The following TBC1D9B variants were observed in gnomAD, a reference collection of about 807,000 sequenced individuals.
The protein encoded by TBC1D9B is TBC1 domain family member 9B.
A neutral mutation model predicts 121.1 loss-of-function variants in TBC1D9B; 87 were observed. The observed-to-expected ratio is 0.72, with a 90% CI of 0.60 to 0.86. The LOEUF is 0.86. Ranked by LOEUF, TBC1D9B falls within the 40% of genes least tolerant of loss-of-function variation. The pLI is 0.00. For missense variants in TBC1D9B, 1,540 were observed against 1,628.6 expected (o/e 0.95, Z 0.94); for synonymous variants, 668 against 670.1 (o/e 1.00, Z 0.05).
intron 17 of TBC1D9B, chr5:179,869,474 C>T (rs985326945): frequency 1.7e-6 from 1 of 597,880 alleles, no homozygotes; most frequent in African/African-American, 1.8e-5. Context: ...AAGCTCCACT[C>T]ATGGCCCTCC....
Position 179,904,317 on chromosome 5 carries a change from C to T in TBC1D9B, c.229+385G>A, listed in dbSNP as rs999784443. 1.3e-4 allele frequency among the ~76,000 whole-genome samples: 20 copies of T among 151,386 alleles called. No individual in the cohort carries two copies. Among genetic ancestry groups the T allele is most frequent in the African/African-American group, 4.1e-4 (17 of 41,140 alleles). ...TCGGCTCACTGCAAGCTCCGCCTCC[C>T]GGGTTCACGCCATTCTCCTGCCTCA... is the stretch of plus-strand genomic sequence containing the variant. On this transcript the variant is annotated intron_variant, in intron 2 of 20. Coordinates refer to ENST00000355235, the MANE Select transcript of TBC1D9B (RefSeq NM_015043.4). This position sits in a 1 kb window ranked among gnomAD's most constrained non-coding sequence, Gnocchi z 4.2.
At position 179,875,365 on chromosome 5, in the gene TBC1D9B, C is replaced by T. The variant is rs969128168; in HGVS notation, c.1901-178G>A. Reference sequence around the variant, plus strand: ...AAAAACCCTTCAAGTCTCTCTACAGCTCCCAAACCACTGGGCGAAATAACT... The same window carrying T: ...AAAAACCCTTCAAGTCTCTCTACAGTTCCCAAACCACTGGGCGAAATAACT... On this transcript the variant is annotated intron_variant, in intron 11 of 20. Coordinates refer to ENST00000355235, the MANE Select transcript of TBC1D9B (RefSeq NM_015043.4). This position sits in a 1 kb window ranked among gnomAD's most constrained non-coding sequence, Gnocchi z 4.5. Among the ~76,000 whole-genome samples the T allele has an allele frequency of 6.6e-6, 1 of 152,234 alleles. No homozygotes were observed. The highest frequency in any genetic ancestry group is 1.9e-4 in the East Asian group (1 of 5,196).
In TBC1D9B at chr5:179,895,431, C is replaced by T. The variant is rs142501694; in HGVS notation, c.349-817G>A. 2.9e-3 allele frequency among the ~76,000 whole-genome samples: 436 copies of T among 152,300 alleles called. 1 individual carries two copies. The highest frequency in any genetic ancestry group is 6.8e-3 in the Middle Eastern group (2 of 294). On this transcript the variant is annotated intron_variant, in intron 3 of 20. Coordinates refer to ENST00000355235, the MANE Select transcript of TBC1D9B (RefSeq NM_015043.4). ...CTGTAAAGCGCTTCTCTTATCACAT[C>T]CTGGAGGACGTCCTGCACTTGGCCC... is the stretch of plus-strand genomic sequence containing the variant.
At chr5:179,873,399 G>A in intron 12 of TBC1D9B, 151 bp from the exon 13 acceptor site, 10 of 1,254,036 alleles carry the variant, frequency 8.0e-6, no homozygotes, top group Non-Finnish European at 9.5e-6. Context: ...GGGCAGAGGT[G>A]TGCCCTGGCA....
At chr5:179,873,869 T>C (rs531950271) in intron 12 of TBC1D9B, among the ~76,000 whole-genome samples, 1 of 152,214 alleles carries the variant, frequency 6.6e-6, no homozygotes, top group East Asian at 1.9e-4. Context: ...GTCAGACCCC[T>C]GCTCTGGAGG....
intron 2 of TBC1D9B, 59 bp from the exon 3 acceptor site, chr5:179,899,366 C>T (rs1032911934): frequency 4.8e-6 from 7 of 1,444,934 alleles, no homozygotes; most frequent in Admixed American, 1.8e-5. Flanking sequence ...CTTAAACGCA[C>T]ATTCAAAGAA....
At chr5:179,871,683 A>G in intron 14 of TBC1D9B, 153 bp from the exon 15 acceptor site, 1 of 709,972 alleles carries the variant, frequency 1.4e-6, no homozygotes, top group Non-Finnish European at 2.4e-6. Flanking sequence ...TTCGGGAGAG[A>G]GCGAGGCCCA....
chr5:179,894,393 C>T lies in TBC1D9B; in HGVS notation c.570G>A (p.Gly190=), dbSNP rs747786437. 9 of 1,612,332 alleles carry T rather than the reference C, an allele frequency of 5.6e-6. No homozygotes were observed. The African/African-American group carries it at 1.2e-4, about 22-fold the overall frequency. Residue 190 remains glycine, a synonymous_variant, in exon 4 of 21, where the codon GGG becomes GGA. Transcript: ENST00000355235. ...NHLCFYSFLL[G]KEVSLVVQWV... ...ACTGAGGGGCGGGCTCACCTTCCTT[C>T]CCCAGCAGGAAGGAGTAGAAGCACA... is the stretch of plus-strand genomic sequence containing the variant.
intron 2 of TBC1D9B, among the ~76,000 whole-genome samples, chr5:179,903,674 A>G (rs1215020353): frequency 1.3e-5 from 2 of 152,228 alleles, no homozygotes; most frequent in Non-Finnish European, 2.9e-5. Context: ...CACGGCCAGC[A>G]GCACTATCAC....
intron 17 of TBC1D9B, 115 bp from the exon 18 acceptor site, chr5:179,867,964 G>A: frequency 2.3e-5 from 22 of 954,180 alleles, no homozygotes; most frequent in Non-Finnish European, 3.1e-5. Context: ...AGCCTGGCCA[G>A]TCCCAGCACC....
intron 3 of TBC1D9B, among the ~76,000 whole-genome samples, chr5:179,898,891 A>G (rs1413770770): frequency 6.6e-6 from 1 of 152,362 alleles, no homozygotes; most frequent in East Asian, 1.9e-4. Context: ...TGTTTCCAGC[A>G]TCTCTTCTGG....
In TBC1D9B at chr5:179,878,319, C is replaced by T. The variant is rs779336983; in HGVS notation, c.1772G>A (p.Gly591Asp). 2 of 1,612,364 alleles carry T rather than the reference C, an allele frequency of 1.2e-6. No individual in the cohort carries two copies. The highest frequency in any genetic ancestry group is 3.3e-5 in the Admixed American group (2 of 59,880). Residue 591 changes from glycine (G) to aspartate (D), a missense_variant, in exon 10 of 21, where the codon GGC becomes GAC. Transcript: ENST00000355235. ...TGTCAGGCCCCTTACCTGGCAGTAG[C>T]CGATGGTGGGGTTTCGGAAGGCATA... ...TAYAFRNPTI[G>D]YCQAMNIVTS... is the part of the protein sequence containing the mutation.
rs1222418949 is a variant in TBC1D9B at position 179,878,507 on chromosome 5, C to T, written c.1584G>A (p.Met528Ile). ...CAGCATAGTACCCGGGGTGAGTCAC[C>T]ATCTCATTCCAGGCCCCTGGGGAGA... ...WLLFSGAWNE[M>I]VTHPGYYAEL... Residue 528 changes from methionine to isoleucine, a missense_variant, in exon 10 of 21, where the codon ATG becomes ATA. Transcript: ENST00000355235. 3.1e-6 allele frequency: 5 copies of T among 1,604,982 alleles called. No individual in the cohort carries two copies. The highest frequency in any genetic ancestry group is 1.3e-5 in the African/African-American group (1 of 74,838).
chr5:179,895,416 C>A (rs943757695), intron 3 of TBC1D9B, among the ~76,000 whole-genome samples: 1 of 152,156 alleles, frequency 6.6e-6, no homozygotes, highest in Non-Finnish European at 1.5e-5. Flanking sequence ...CTGTAAAGCG[C>A]TTCTCTTATC....
At chr5:179,897,240 A>G (rs1172604957) in intron 3 of TBC1D9B, among the ~76,000 whole-genome samples, 1 of 151,682 alleles carries the variant, frequency 6.6e-6, no homozygotes, top group Non-Finnish European at 1.5e-5. Flanking sequence ...TGAAGGCTTT[A>G]AATTTCCTTC....
At chr5:179,867,537 G>A in intron 18 of TBC1D9B, 3 of 1,552,998 alleles carry the variant, frequency 1.9e-6, no homozygotes, top group African/African-American at 2.7e-5. Context: ...GCAGAGTGGG[G>A]AGGAGCCAAG....
At position 179,885,880 on chromosome 5, in the gene TBC1D9B, A is replaced by AGGGCCTAC. The variant is rs1254112106; in HGVS notation, c.1254+2215_1254+2222dup. Among the ~76,000 whole-genome samples, 2 of 152,176 alleles carry AGGGCCTAC rather than the reference A, an allele frequency of 1.3e-5. No individual in the cohort carries two copies. The highest frequency in any genetic ancestry group is 2.9e-5 in the Non-Finnish European group (2 of 68,034). Reference sequence around the variant, plus strand: ...CTGAAGTCAAAGCTGCAGCACTCACAGGGCCTACGGGCTTTCGGTGACTTG... The same window carrying AGGGCCTAC: ...CTGAAGTCAAAGCTGCAGCACTCACAGGGCCTACGGGCCTACGGGCTTTCGGTGACTTG... On this transcript the variant is annotated intron_variant, in intron 7 of 20. Coordinates refer to ENST00000355235, the MANE Select transcript of TBC1D9B (RefSeq NM_015043.4). This position sits in a 1 kb window ranked among gnomAD's most constrained non-coding sequence, Gnocchi z 4.5.
chr5:179,880,793 T>C (rs1760520830), intron 7 of TBC1D9B, among the ~76,000 whole-genome samples: 1 of 119,466 alleles, frequency 8.4e-6, no homozygotes, highest in African/African-American at 2.9e-5. Flanking sequence ...TCTACCCCTC[T>C]GGCCCCTGTG....
chr5:179,866,208 C>G (rs1649303106), intron 18 of TBC1D9B: 1 of 284,030 alleles, frequency 3.5e-6, no homozygotes, highest in South Asian at 4.3e-5. Context: ...ATAGACCAGT[C>G]TGAGGACTAA....
Sources: gnomAD v4.1 joint callset for allele counts (sites outside exome capture counted in the v4.1 genomes callset) on GRCh38, gnomAD v4.1.1 for gene constraint, Gnocchi (gnomAD v3.1) non-coding constraint, MANE v1.5 for transcripts, NCBI Gene and HGNC (gene_info 2026-07-23, HGNC 2026-07-21) for gene names.